FRMD4A: variants seen among roughly 807,000 people sequenced by gnomAD.
FRMD4A encodes FERM domain containing 4A, also known as FERM domain-containing protein 4A.
Under a neutral mutation model 129.1 loss-of-function variants are expected in FRMD4A, and 29 were observed. That is an observed-to-expected ratio of 0.22 (90% CI 0.17 to 0.31). The LOEUF (loss-of-function observed/expected upper bound fraction) is 0.31, where lower values mean the gene tolerates loss of function less well. FRMD4A is among the 10% of genes least tolerant of loss of function. The pLI, the probability that FRMD4A is intolerant of heterozygous loss-of-function variation, is 1.00. For synonymous variants in FRMD4A, 634 were observed against 571.6 expected (o/e 1.11, Z -1.56); for missense variants, 1,272 against 1,375.8 (o/e 0.92, Z 1.19).
intron 17 of FRMD4A, among the ~76,000 whole-genome samples, chr10:13,669,853 G>C (rs1485317683): frequency 2.6e-5 from 4 of 152,162 alleles, no homozygotes; most frequent in Non-Finnish European, 5.9e-5. Flanking sequence ...CCAAAGGATG[G>C]ACGTAGCTTC....
At chr10:13,868,481 A>T (rs1346378067) in intron 2 of FRMD4A, among the ~76,000 whole-genome samples, 1 of 152,078 alleles carries the variant, frequency 6.6e-6, no homozygotes, top group Non-Finnish European at 1.5e-5. Context: ...ACCTGTCTTT[A>T]TTGTGACTCT....
rs12775745 is a variant in FRMD4A at position 13,982,496 on chromosome 10, G to A, written c.46-123584C>T. 1.2e-3 allele frequency among the ~76,000 whole-genome samples: 158 copies of A among 127,370 alleles called. 1 individual carries two copies. Among genetic ancestry groups the A allele is most frequent in the African/African-American group, 4.9e-3 (150 of 30,444 alleles). The allele number at this position is 127,370 out of a possible 152,430, so 83.6% of individuals were successfully genotyped here. On this transcript the variant is annotated intron_variant, in intron 2 of 24. Coordinates refer to ENST00000357447, the MANE Select transcript of FRMD4A (RefSeq NM_018027.5). ...GAGGGGAGGGGAGGGGAGGGGAGGG[G>A]AGGGGGGGGAAGGGATCCTCTGACC...
At chr10:13,993,635 G>A (rs962154699) in intron 2 of FRMD4A, among the ~76,000 whole-genome samples, 6 of 152,146 alleles carry the variant, frequency 3.9e-5, no homozygotes, top group African/African-American at 1.4e-4. Context: ...ACAAAAAAAT[G>A]TTGCTGATGA....
At chr10:13,972,678 G>T (rs2095525160) in intron 2 of FRMD4A, among the ~76,000 whole-genome samples, 1 of 152,134 alleles carries the variant, frequency 6.6e-6, no homozygotes, top group South Asian at 2.1e-4. Context: ...AATTTCATAA[G>T]TTGTTTTGAT....
rs1313967758 is a variant in FRMD4A, at chr10:14,127,960, TTCTTTCTTTCTTTCTTTCCTTCTC to T, written c.45+202074_45+202097del. On this transcript the variant is annotated intron_variant, in intron 2 of 24. Coordinates refer to ENST00000357447, the MANE Select transcript of FRMD4A (RefSeq NM_018027.5). ...TTTCTTTCTTTCTTTCTTTCTTTCT[TTCTTTCTTTCTTTCTTTCCTTCTC>T]TCTCTCTCTCTCTCTCTTTCTTTCT... 1.5e-3 allele frequency among the ~76,000 whole-genome samples: 49 copies of T among 31,942 alleles called. 2 individuals are homozygous for T. Among genetic ancestry groups the T allele is most frequent in the African/African-American group, 8.9e-3 (47 of 5,274 alleles). The allele number at this position is 31,942 out of a possible 152,430, so 21.0% of individuals were successfully genotyped here.
At chr10:14,051,007 T>C (rs1387403170) in intron 2 of FRMD4A, among the ~76,000 whole-genome samples, 3 of 152,224 alleles carry the variant, frequency 2.0e-5, no homozygotes. Context: ...GGCCCAGGCT[T>C]GCCACTGGCA....
intron 2 of FRMD4A, among the ~76,000 whole-genome samples, chr10:13,996,333 C>T (rs768515597): frequency 1.3e-5 from 2 of 152,192 alleles, no homozygotes; most frequent in Non-Finnish European, 2.9e-5. Flanking sequence ...TGGGTGGACC[C>T]GGCACCTATG....
At chr10:13,808,070 A>G (rs557881898) in intron 4 of FRMD4A, among the ~76,000 whole-genome samples, 1 of 152,202 alleles carries the variant, frequency 6.6e-6, no homozygotes, top group Non-Finnish European at 1.5e-5. Flanking sequence ...AAGTGCTGGG[A>G]TTACAGGTGT....
At chr10:14,077,239 T>G (rs1416121260) in intron 2 of FRMD4A, among the ~76,000 whole-genome samples, 1 of 152,130 alleles carries the variant, frequency 6.6e-6, no homozygotes, top group Non-Finnish European at 1.5e-5. Flanking sequence ...ATTATAAGAA[T>G]TATATTTTGG....
chr10:13,747,624 C>T, intron 9 of FRMD4A, 112 bp downstream of exon 9: 1 of 615,920 alleles, frequency 1.6e-6, no homozygotes, highest in Non-Finnish European at 3.0e-6. Context: ...AATACAGCTG[C>T]AAGTCCAGGC....
Position 14,188,487 on chromosome 10 carries a change from T to TCAA in FRMD4A, c.45+141568_45+141570dup, listed in dbSNP as rs1296775172. Among the ~76,000 whole-genome samples the TCAA allele has an allele frequency of 5.3e-5, 8 of 152,350 alleles. 1 individual carries two copies. The East Asian group carries it at 1.2e-3, about 22-fold the overall frequency. ...AACTCATTATCCAATCATTCCCTCT[T>TCAA]CAATCAGTCCCACCTTTCTACCTTT... On this transcript the variant is annotated intron_variant, in intron 2 of 24. Transcript: ENST00000357447.
At chr10:13,764,993 A>C (rs2130713165) in intron 6 of FRMD4A, among the ~76,000 whole-genome samples, 1 of 152,274 alleles carries the variant, frequency 6.6e-6, no homozygotes, top group East Asian at 1.9e-4. Context: ...AAATCAATAG[A>C]GAATCAGTTT....
At chr10:14,165,635 G>A (rs2131876820) in intron 2 of FRMD4A, among the ~76,000 whole-genome samples, 1 of 152,280 alleles carries the variant, frequency 6.6e-6, no homozygotes, top group African/African-American at 2.4e-5. Flanking sequence ...ACTGGATAAA[G>A]AAAATGTGGT....
At chr10:13,659,607 C>A (rs766243467) in intron 20 of FRMD4A, 117 bp from the exon 21 acceptor site, 1 of 1,029,712 alleles carries the variant, frequency 9.7e-7, no homozygotes, top group Non-Finnish European at 1.4e-6. Flanking sequence ...GTGACTCCCA[C>A]CTCGCTTGGT....
At chr10:13,937,166 A>C (rs1046438137) in intron 2 of FRMD4A, among the ~76,000 whole-genome samples, 2 of 152,212 alleles carry the variant, frequency 1.3e-5, no homozygotes, top group African/African-American at 4.8e-5. Context: ...GAAAGCATCA[A>C]ATGCATGCTA....
At chr10:13,665,466 CAAG>C (rs1296549442) in intron 18 of FRMD4A, among the ~76,000 whole-genome samples, 2 of 152,264 alleles carry the variant, frequency 1.3e-5, no homozygotes, top group East Asian at 1.9e-4. Context: ...CTGACTTAGA[CAAG>C]AAGGATTCTA....
Position 13,884,701 on chromosome 10 carries a change from G to A in FRMD4A, c.46-25789C>T, listed in dbSNP as rs553707784. 1.8e-3 allele frequency among the ~76,000 whole-genome samples: 279 copies of A among 152,210 alleles called. 1 individual carries two copies. The highest frequency in any genetic ancestry group is 6.1e-3 in the African/African-American group (253 of 41,520). Reference sequence around the variant, plus strand: ...CTGGGCTCTCTCATCTGCTCCCAGTGATAGACCCTAATTCCTTTTCACAGC... The same window carrying A: ...CTGGGCTCTCTCATCTGCTCCCAGTAATAGACCCTAATTCCTTTTCACAGC... On this transcript the variant is annotated intron_variant, in intron 2 of 24. Coordinates refer to ENST00000357447, the MANE Select transcript of FRMD4A (RefSeq NM_018027.5).
At chr10:14,274,817 GC>G (rs1190789207) in intron 2 of FRMD4A, among the ~76,000 whole-genome samples, 1 of 152,156 alleles carries the variant, frequency 6.6e-6, no homozygotes, top group Admixed American at 6.5e-5. Flanking sequence ...CCCTGACTTA[GC>G]CAGTCAGACA....
chr10:13,946,827 C>T (rs1391283858), intron 2 of FRMD4A, among the ~76,000 whole-genome samples: 1 of 152,142 alleles, frequency 6.6e-6, no homozygotes, highest in Non-Finnish European at 1.5e-5. Flanking sequence ...TCTCTCGATG[C>T]CTGTCCTATA....
Sources: allele counts gnomAD v4.1 joint callset (sites outside exome capture counted in the v4.1 genomes callset), GRCh38; gene constraint gnomAD v4.1.1; transcripts MANE v1.5; gene names NCBI Gene and HGNC (gene_info 2026-07-23, HGNC 2026-07-21).